Variants in CD300LF observed in about 807,000 individuals in gnomAD.
CD300LF encodes the protein CMRF35-like molecule 1.
Under a neutral mutation model 32.2 loss-of-function variants are expected in CD300LF, and 27 were observed. The ratio of observed to expected loss-of-function variants is 0.84; its 90% CI spans 0.62 to 1.15. The LOEUF (loss-of-function observed/expected upper bound fraction) is 1.15. Ranked by LOEUF, CD300LF falls within the 50% of genes most tolerant of loss-of-function variation. The pLI is 0.00. For missense variants in CD300LF, 348 were observed against 356.8 expected, an observed-to-expected ratio of 0.98 and a Z score of 0.20; for synonymous variants, 139 against 143.2, an observed-to-expected ratio of 0.97 and a Z score of 0.21.
intron 1 of CD300LF, among the ~76,000 whole-genome samples, chr17:74,710,615 T>C (rs1181485510): frequency 2.0e-5 from 3 of 151,834 alleles, no homozygotes; most frequent in Non-Finnish European, 4.4e-5. Flanking sequence ...TCCCAACACT[T>C]TGGGAGGCCA....
intron 4 of CD300LF, among the ~76,000 whole-genome samples, chr17:74,698,089 A>G (rs1207491863): frequency 7.2e-5 from 11 of 152,194 alleles, no homozygotes; most frequent in Non-Finnish European, 1.6e-4. Context: ...CACCTATGCC[A>G]TCAAGAGTCA....
At chr17:74,708,506 T>C (rs1443103710) in intron 1 of CD300LF, among the ~76,000 whole-genome samples, 1 of 152,120 alleles carries the variant, frequency 6.6e-6, no homozygotes, top group Non-Finnish European at 1.5e-5. Flanking sequence ...TTAACATAAA[T>C]GCAAAAACCT....
chr17:74,694,982 A>G lies in CD300LF; in HGVS notation c.*114T>C. ...GAGCTAGGGGCAATGCTGGCTGATC[A>G]GGCAGAGGCACCAGTCCCCGGGTTG... On this transcript the variant is annotated 3_prime_UTR_variant, in exon 7 of 7. Transcript: ENST00000326165. The G allele has an allele frequency of 8.5e-7, 1 of 1,178,028 alleles. No individual in the cohort carries two copies. Among genetic ancestry groups the G allele is most frequent in the Non-Finnish European group, 1.2e-6 (1 of 837,084 alleles). 73.0% of individuals were successfully genotyped at this position (1,178,028 alleles called of 1,614,324 possible).
chr17:74,695,321 CGGA>C (rs1194620050), intron 6 of CD300LF, 70 bp from the exon 7 acceptor site: 1 of 1,577,390 alleles, frequency 6.3e-7, no homozygotes, highest in Non-Finnish European at 8.6e-7. Context: ...GAGGAGCCCT[CGGA>C]GGAGGATAGT....
At chr17:74,711,892 CTTTTTTCTTTTTTCTTTTTTTTTT>C (rs2033988809) in intron 1 of CD300LF, among the ~76,000 whole-genome samples, 2 of 145,552 alleles carry the variant, frequency 1.4e-5, no homozygotes, top group Admixed American at 6.9e-5. Context: ...CTTTTTTTTT[CTTTTTTCTTTTTTCTTTTTTTTTT>C]TTTTTTGAAA....
intron 4 of CD300LF, among the ~76,000 whole-genome samples, chr17:74,697,230 C>T (rs1450311131): frequency 2.0e-5 from 3 of 152,130 alleles, no homozygotes; most frequent in African/African-American, 4.8e-5. Flanking sequence ...AGGCATGAGC[C>T]ACGACACCCA....
intron 1 of CD300LF, among the ~76,000 whole-genome samples, chr17:74,710,148 T>G (rs1423587168): frequency 1.3e-5 from 2 of 151,954 alleles, no homozygotes; most frequent in African/African-American, 2.4e-5. Context: ...CCAGCTAATT[T>G]TTTGTACTTT....
intron 4 of CD300LF, among the ~76,000 whole-genome samples, chr17:74,697,252 G>C (rs1408977660): frequency 6.6e-6 from 1 of 152,012 alleles, no homozygotes; most frequent in African/African-American, 2.4e-5. Context: ...AGATTGGATT[G>C]GATTGTTTTT....
At chr17:74,698,032 G>A (rs1006176834) in intron 4 of CD300LF, among the ~76,000 whole-genome samples, 8 of 152,098 alleles carry the variant, frequency 5.3e-5, no homozygotes, top group South Asian at 2.1e-4. Flanking sequence ...CAACTCTAGC[G>A]TCTAGTCTAG....
In CD300LF at chr17:74,703,026, C is replaced by G; in HGVS notation, c.446+9G>C. The G allele has an allele frequency of 6.2e-7, 1 of 1,609,412 alleles. No homozygotes were observed. Among genetic ancestry groups the G allele is most frequent in the South Asian group, 1.1e-5 (1 of 90,986 alleles). On this transcript the variant is annotated intron_variant, in intron 3 of 6. Transcript: ENST00000326165. ...CAAGTAGGCCACAGTGGAACCAGAG[C>G]TGGCTTACCTGTTGTCCAAGTGGTG...
chr17:74,696,935 T>C (rs969381004), intron 4 of CD300LF, among the ~76,000 whole-genome samples: 1 of 151,658 alleles, frequency 6.6e-6, no homozygotes, highest in Admixed American at 6.6e-5. Context: ...TTTGGTTTGG[T>C]TTGGTTTGGT....
chr17:74,711,835 A>G (rs189509357), intron 1 of CD300LF, among the ~76,000 whole-genome samples: 21 of 148,790 alleles, frequency 1.4e-4, no homozygotes, highest in Admixed American at 4.0e-4. Flanking sequence ...TTTTCCTCAC[A>G]GTACTTATCA....
intron 5 of CD300LF, 84 bp downstream of exon 5, chr17:74,696,111 T>C (rs1161190795): frequency 6.6e-7 from 1 of 1,511,958 alleles, no homozygotes; most frequent in Non-Finnish European, 8.9e-7. Context: ...TTCTCTGATA[T>C]TTTGGACCTT....
chr17:74,695,295 TGACGGTCACGGGGCAGAG>T (rs1324138577), intron 6 of CD300LF, 44 bp from the exon 7 acceptor site: 1 of 1,608,826 alleles, frequency 6.2e-7, no homozygotes, highest in African/African-American at 1.3e-5. Context: ...CGGCAGGAAG[TGACGGTCACGGGGCAGAG>T]GAGCCCTCGG....
rs770848854 is a variant in CD300LF, at chr17:74,704,676, AGTCAC to A, written c.179_183del (p.Arg60LeufsTer6). The A allele has an allele frequency of 1.9e-6, 3 of 1,614,214 alleles. No homozygotes were observed. In the Admixed American group the frequency reaches 5.0e-5, roughly 27 times the overall value. ...CCACTGGTTTTAACAAGGATCTTGC[AGTCAC>A]GCCAAATAGCTCCTCGACACCACCA... On this transcript the variant is annotated frameshift_variant, in exon 2 of 7. Coordinates refer to ENST00000326165, the MANE Select transcript of CD300LF (RefSeq NM_139018.5). LOFTEE classifies it high-confidence loss of function.
In CD300LF at chr17:74,704,327, C is replaced by G. The variant is rs1356524496; in HGVS notation, c.382+151G>C. The G allele has an allele frequency of 6.3e-6, 4 of 632,552 alleles. No homozygotes were observed. In the East Asian group the frequency reaches 1.1e-4, roughly 17 times the overall value. The allele number at this position is 632,552 out of a possible 1,614,324, so 39.2% of individuals were successfully genotyped here. A position where few individuals can be genotyped will look rare whatever the true frequency, so the allele number is the denominator to read the frequency against. Reference sequence around the variant, plus strand: ...GGGGGCATTGAAGAGAGGCCCTGCTCCCCCAGTCCCAGGTGGTCAGTCAGG... The same window carrying G: ...GGGGGCATTGAAGAGAGGCCCTGCTGCCCCAGTCCCAGGTGGTCAGTCAGG... On this transcript the variant is annotated intron_variant, in intron 2 of 6. Transcript: ENST00000326165.
intron 1 of CD300LF, among the ~76,000 whole-genome samples, chr17:74,711,900 TTTTTTC>T (rs1403172868): frequency 6.8e-6 from 1 of 147,658 alleles, no homozygotes; most frequent in African/African-American, 2.5e-5. Flanking sequence ...TTCTTTTTTC[TTTTTTC>T]TTTTTTTTTT....
chr17:74,707,716 G>GAAA (rs201223906), intron 1 of CD300LF, among the ~76,000 whole-genome samples: 1 of 102,454 alleles, frequency 9.8e-6, no homozygotes. Flanking sequence ...CTCCATCTCA[G>GAAA]AAAAAAAAAA....
intron 5 of CD300LF, 152 bp from the exon 6 acceptor site, chr17:74,696,011 C>T: frequency 1.6e-6 from 2 of 1,252,854 alleles, no homozygotes; most frequent in Non-Finnish European, 2.2e-6. Flanking sequence ...GCTCCTGTAC[C>T]CCTCAGCCCT....
Sources: gnomAD v4.1 joint callset for allele counts (sites outside exome capture counted in the v4.1 genomes callset) on GRCh38, gnomAD v4.1.1 for gene constraint, MANE v1.5 for transcripts, NCBI Gene and HGNC (gene_info 2026-07-23, HGNC 2026-07-21) for gene names.